Variants in DPP10 observed in about 807,000 individuals in gnomAD.
DPP10 encodes inactive dipeptidyl peptidase 10.
DPP10 carries 33 observed loss-of-function variants against 120.9 expected under a neutral mutation model. The observed-to-expected ratio is 0.27, with a 90% CI of 0.21 to 0.37. The LOEUF is 0.37. DPP10 is among the 10% of genes least tolerant of loss of function. The probability of loss-of-function intolerance (pLI) is 1.00; values close to 1 mark genes in which losing one functional copy is unlikely to be tolerated. For missense variants in DPP10, 816 were observed against 942.8 expected, an observed-to-expected ratio of 0.87 and a Z score of 1.76; for synonymous variants, 337 against 326.1, an observed-to-expected ratio of 1.03 and a Z score of -0.36.
chr2:115,229,474 T>C (rs1448542440), intron 1 of DPP10, among the ~76,000 whole-genome samples: 1 of 152,090 alleles, frequency 6.6e-6, no homozygotes, highest in Non-Finnish European at 1.5e-5. Flanking sequence ...GATTCCTCAG[T>C]GGTTTTTGTT....
chr2:114,484,205 C>G lies in DPP10; in HGVS notation c.60+41367C>G, dbSNP rs188644984. Among the ~76,000 whole-genome samples, 13 of 152,252 alleles carry G rather than the reference C, an allele frequency of 8.5e-5. No homozygotes were observed. In the East Asian group the frequency reaches 2.3e-3, roughly 27 times the overall value. On this transcript the variant is annotated intron_variant, in intron 1 of 25. Transcript: ENST00000410059. ...ATGTCCTGGATCGAACTTGAGGTATCTCCGACAACTCTGAATCTCCTGGGA... is the reference window on the plus strand; with the variant it reads ...ATGTCCTGGATCGAACTTGAGGTATGTCCGACAACTCTGAATCTCCTGGGA...
intron 7 of DPP10, among the ~76,000 whole-genome samples, chr2:115,725,466 T>A (rs1427634587): frequency 1.3e-5 from 2 of 152,170 alleles, no homozygotes; most frequent in Non-Finnish European, 2.9e-5. Flanking sequence ...TGGCATGGCA[T>A]TAGAATTCTG....
At chr2:114,784,219 A>G (rs1187175044) in intron 1 of DPP10, among the ~76,000 whole-genome samples, 2 of 152,040 alleles carry the variant, frequency 1.3e-5, no homozygotes, top group African/African-American at 2.4e-5. Flanking sequence ...CTTCCCATTC[A>G]TTTTTGACTC....
At chr2:114,950,594 T>C (rs1289475986) in intron 1 of DPP10, among the ~76,000 whole-genome samples, 4 of 151,976 alleles carry the variant, frequency 2.6e-5, no homozygotes, top group Non-Finnish European at 2.9e-5. Context: ...ACATCTTGAA[T>C]ACCTTTTAGA....
intron 4 of DPP10, among the ~76,000 whole-genome samples, chr2:115,517,277 T>A (rs2077555447): frequency 6.6e-6 from 1 of 152,176 alleles, no homozygotes; most frequent in Non-Finnish European, 1.5e-5. Flanking sequence ...CTTTCAACCT[T>A]GGAGAATTAA....
chr2:114,762,618 C>G (rs1268137835), intron 1 of DPP10, among the ~76,000 whole-genome samples: 2 of 152,172 alleles, frequency 1.3e-5, no homozygotes, highest in East Asian at 3.8e-4. Context: ...CTTAAAATAG[C>G]TATGAGTTTC....
intron 1 of DPP10, among the ~76,000 whole-genome samples, chr2:115,213,821 G>A (rs2056658996): frequency 6.6e-6 from 1 of 152,048 alleles, no homozygotes; most frequent in Admixed American, 6.6e-5. Context: ...TAGGCCTATA[G>A]TACTTAGACT....
chr2:114,444,374 C>T (rs1677824633), intron 1 of DPP10, among the ~76,000 whole-genome samples: 1 of 152,148 alleles, frequency 6.6e-6, no homozygotes, highest in Non-Finnish European at 1.5e-5. Flanking sequence ...GAGTTACAAA[C>T]TGGCTGCCTA....
chr2:115,553,821 G>A (rs762733597), intron 5 of DPP10, among the ~76,000 whole-genome samples: 11 of 147,030 alleles, frequency 7.5e-5, no homozygotes, highest in Admixed American at 2.7e-4. Flanking sequence ...TATGCTGAGG[G>A]TTTTTTTTTT....
chr2:115,285,094 T>C (rs1559364723), intron 1 of DPP10, among the ~76,000 whole-genome samples: 1 of 152,158 alleles, frequency 6.6e-6, no homozygotes, highest in South Asian at 2.1e-4. Context: ...GAAGTTGGTA[T>C]TCTTAGGAAT....
intron 1 of DPP10, among the ~76,000 whole-genome samples, chr2:114,936,425 G>GTA (rs1223706442): frequency 6.7e-6 from 1 of 149,556 alleles, no homozygotes. Flanking sequence ...ATATATGTGC[G>GTA]TATATATACA....
At chr2:115,469,435 C>T (rs2074542075) in intron 3 of DPP10, among the ~76,000 whole-genome samples, 1 of 152,100 alleles carries the variant, frequency 6.6e-6, no homozygotes, top group African/African-American at 2.4e-5. Context: ...GTGATTTTAG[C>T]CTATAATCAG....
intron 3 of DPP10, among the ~76,000 whole-genome samples, chr2:115,378,949 T>G (rs2066046532): frequency 6.6e-6 from 1 of 152,188 alleles, no homozygotes; most frequent in African/African-American, 2.4e-5. Flanking sequence ...CTGGATTTGG[T>G]TTGCCACTAT....
chr2:115,789,771 C>G (rs1683737238), intron 17 of DPP10, among the ~76,000 whole-genome samples: 1 of 152,190 alleles, frequency 6.6e-6, no homozygotes, highest in African/African-American at 2.4e-5. Flanking sequence ...ATGGTTACAT[C>G]TGTAGGCCAA....
chr2:115,440,625 A>G (rs2071949518), intron 3 of DPP10, among the ~76,000 whole-genome samples: 1 of 152,190 alleles, frequency 6.6e-6, no homozygotes. Flanking sequence ...TTTTATACCT[A>G]GGTTTAGGAA....
chr2:114,825,789 T>A (rs1465243520), intron 1 of DPP10, among the ~76,000 whole-genome samples: 1 of 152,200 alleles, frequency 6.6e-6, no homozygotes, highest in East Asian at 1.9e-4. Flanking sequence ...GTGGCTAGTA[T>A]GAACAGTTTG....
chr2:115,656,275 A>T (rs957082551), intron 5 of DPP10, among the ~76,000 whole-genome samples: 1 of 151,638 alleles, frequency 6.6e-6, no homozygotes, highest in African/African-American at 2.4e-5. Context: ...TCAATTATAT[A>T]TCAATAAAGC....
chr2:115,540,029 A>G (rs938652985), intron 5 of DPP10, among the ~76,000 whole-genome samples: 12 of 151,882 alleles, frequency 7.9e-5, no homozygotes, highest in Non-Finnish European at 1.5e-4. Flanking sequence ...AAGAGAGTGT[A>G]TAGTGTGGGG....
chr2:115,516,570 CTTTGTTTTTTT>C (rs1308909613), intron 4 of DPP10, among the ~76,000 whole-genome samples: 37 of 65,876 alleles, frequency 5.6e-4, no homozygotes, highest in African/African-American at 1.8e-3. Flanking sequence ...CCTTGTTATT[CTTTGTTTTTTT>C]TTTTTTTTTC....
Sources: gnomAD v4.1 joint callset for allele counts (sites outside exome capture counted in the v4.1 genomes callset) on GRCh38, gnomAD v4.1.1 for gene constraint, MANE v1.5 for transcripts, NCBI Gene and HGNC (gene_info 2026-07-23, HGNC 2026-07-21) for gene names.